MYO3B: variants seen among roughly 807,000 people sequenced by gnomAD.
MYO3B encodes the protein myosin IIIB, also known as myosin-IIIb.
In MYO3B, 156 loss-of-function variants were observed where a neutral mutation model predicts 174.6. The ratio of observed to expected loss-of-function variants is 0.89; its 90% CI spans 0.78 to 1.02. The LOEUF is 1.02. Ranked by LOEUF, MYO3B falls within the 50% of genes least tolerant of loss-of-function variation. MYO3B has a pLI of 0.00. For synonymous variants in MYO3B, 563 were observed against 569.1 expected (o/e 0.99, Z 0.15); for missense variants, 1,632 against 1,639.4 (o/e 1.00, Z 0.08).
At chr2:170,620,275 C>T (rs2105328513) in intron 32 of MYO3B, among the ~76,000 whole-genome samples, 1 of 152,232 alleles carries the variant, frequency 6.6e-6, no homozygotes, top group South Asian at 2.1e-4. Flanking sequence ...TTTGCTTTTA[C>T]AGACTGTACT....
At chr2:170,441,040 T>C (rs1052972829) in intron 22 of MYO3B, among the ~76,000 whole-genome samples, 2 of 152,048 alleles carry the variant, frequency 1.3e-5, no homozygotes, top group Non-Finnish European at 2.9e-5. Flanking sequence ...GACCTTGTGA[T>C]CCACCCGCCT....
intron 7 of MYO3B, among the ~76,000 whole-genome samples, chr2:170,290,403 T>C (rs2093588065): frequency 6.6e-6 from 1 of 152,214 alleles, no homozygotes; most frequent in African/African-American, 2.4e-5. Context: ...ATTCTCTTGC[T>C]GAATTGACCC....
intron 32 of MYO3B, among the ~76,000 whole-genome samples, chr2:170,593,709 T>A (rs187120449): frequency 7.9e-4 from 120 of 152,314 alleles, no homozygotes; most frequent in African/African-American, 2.5e-3. Flanking sequence ...TCATAAGTAA[T>A]TAAAAGAGAA....
chr2:170,366,757 C>G (rs936029677), intron 8 of MYO3B, among the ~76,000 whole-genome samples: 1 of 151,976 alleles, frequency 6.6e-6, no homozygotes, highest in Non-Finnish European at 1.5e-5. Context: ...AGAGAGGGAC[C>G]CTCTCTAACA....
intron 27 of MYO3B, 91 bp downstream of exon 27, chr2:170,499,899 TTCCCTCCCTCCCTTCCTTCTCCCCTCCC>T (rs1033979716): frequency 3.3e-5 from 37 of 1,107,304 alleles, no homozygotes; most frequent in Non-Finnish European, 4.6e-5. Flanking sequence ...TCTAAGTGGT[TTCCCTCCCTCCCTTCCTTCTCCCCTCCC>T]TCCCTCCCTT....
chr2:170,632,257 AAAC>A (rs1697059760), intron 32 of MYO3B, among the ~76,000 whole-genome samples: 1 of 152,208 alleles, frequency 6.6e-6, no homozygotes, highest in Admixed American at 6.5e-5. Context: ...AGCAAATGTA[AAAC>A]AACAGAAATC....
At chr2:170,199,805 T>C (rs528681800) in intron 2 of MYO3B, among the ~76,000 whole-genome samples, 25 of 152,324 alleles carry the variant, frequency 1.6e-4, no homozygotes, top group African/African-American at 5.5e-4. Flanking sequence ...TATCCTGTGA[T>C]AGGTCCCTTC....
At chr2:170,468,417 AGT>A (rs1684773384) in intron 25 of MYO3B, among the ~76,000 whole-genome samples, 1 of 152,172 alleles carries the variant, frequency 6.6e-6, no homozygotes, top group Non-Finnish European at 1.5e-5. Flanking sequence ...TGAAACCCTG[AGT>A]ATACACCTGG....
chr2:170,495,446 T>C (rs201515988), intron 25 of MYO3B, among the ~76,000 whole-genome samples: 2 of 152,346 alleles, frequency 1.3e-5, no homozygotes, highest in East Asian at 3.9e-4. Flanking sequence ...ACCCATGTCT[T>C]TCTGAACTAA....
chr2:170,214,683 C>T (rs1208765742), intron 4 of MYO3B, 46 bp from the exon 5 acceptor site: 5 of 1,542,190 alleles, frequency 3.2e-6, no homozygotes, highest in Non-Finnish European at 4.5e-6. Flanking sequence ...ATGTAAATTT[C>T]CCCTTTCTCT....
intron 32 of MYO3B, among the ~76,000 whole-genome samples, chr2:170,560,006 A>G (rs959167769): frequency 1.3e-5 from 2 of 152,210 alleles, no homozygotes; most frequent in Admixed American, 6.5e-5. Context: ...CCAGATTATT[A>G]GCTTACTACA....
chr2:170,298,986 A>T (rs931593011), intron 7 of MYO3B, among the ~76,000 whole-genome samples: 3 of 152,196 alleles, frequency 2.0e-5, no homozygotes, highest in African/African-American at 7.2e-5. Context: ...AATAGGCTAT[A>T]TGATATAGCC....
intron 25 of MYO3B, among the ~76,000 whole-genome samples, chr2:170,495,254 T>C (rs1686790899): frequency 6.6e-6 from 1 of 152,246 alleles, no homozygotes; most frequent in African/African-American, 2.4e-5. Context: ...TCCTTTCAGC[T>C]TAGCCTTTAC....
At chr2:170,574,656 A>C (rs1430069652) in intron 32 of MYO3B, among the ~76,000 whole-genome samples, 1 of 152,198 alleles carries the variant, frequency 6.6e-6, no homozygotes, top group East Asian at 1.9e-4. Context: ...AGTTATGGTG[A>C]GTTGTTTTTC....
intron 7 of MYO3B, among the ~76,000 whole-genome samples, chr2:170,262,731 G>A (rs1404178238): frequency 6.6e-6 from 1 of 152,114 alleles, no homozygotes; most frequent in East Asian, 1.9e-4. Context: ...AGAACCCTGG[G>A]CCTGTGCTCT....
At position 170,432,472 on chromosome 2, in the gene MYO3B, T is replaced by C. The variant is rs1051037834; in HGVS notation, c.2651-11495T>C. On this transcript the variant is annotated intron_variant, in intron 22 of 34. Coordinates refer to ENST00000408978, the MANE Select transcript of MYO3B (RefSeq NM_138995.5). ...TTTGTACATCTTACAATGTGTGTTT[T>C]AAGCTAAGTGTTATTTCAAAAGAGT... is the stretch of plus-strand genomic sequence containing the variant. Among the ~76,000 whole-genome samples the C allele has an allele frequency of 3.3e-5, 5 of 152,168 alleles. 1 individual carries two copies. The highest frequency in any genetic ancestry group is 6.5e-5 in the Admixed American group (1 of 15,298).
At chr2:170,242,479 T>C (rs1049711803) in intron 7 of MYO3B, among the ~76,000 whole-genome samples, 1 of 152,194 alleles carries the variant, frequency 6.6e-6, no homozygotes, top group African/African-American at 2.4e-5. Flanking sequence ...GCTTTCACTC[T>C]GTGGAACACA....
intron 27 of MYO3B, among the ~76,000 whole-genome samples, chr2:170,500,825 T>C (rs1433886807): frequency 6.6e-6 from 1 of 152,232 alleles, no homozygotes; most frequent in Non-Finnish European, 1.5e-5. Flanking sequence ...ATGGAACTTA[T>C]AAACCAAGGG....
chr2:170,386,169 C>T lies in MYO3B; in HGVS notation c.1291-20C>T, dbSNP rs200133637. 57 of 1,609,322 alleles carry T rather than the reference C, an allele frequency of 3.5e-5. No individual in the cohort carries two copies. The highest frequency in any genetic ancestry group is 4.0e-5 in the African/African-American group (3 of 74,904). On this transcript the variant is annotated intron_variant, in intron 12 of 34. Transcript: ENST00000408978. Reference sequence around the variant, plus strand: ...TCTGTGCTATAAATTCTTCACTTGACGCTCCATTTTCTGTGCCAGTGCATT... The same window carrying T: ...TCTGTGCTATAAATTCTTCACTTGATGCTCCATTTTCTGTGCCAGTGCATT...
Sources: gnomAD v4.1 joint callset for allele counts (sites outside exome capture counted in the v4.1 genomes callset) on GRCh38, gnomAD v4.1.1 for gene constraint, MANE v1.5 for transcripts, NCBI Gene and HGNC (gene_info 2026-07-23, HGNC 2026-07-21) for gene names.